The following CERS3 variants were observed in gnomAD, a reference collection of about 807,000 sequenced individuals.
CERS3 encodes the protein LAG1 homolog, ceramide synthase 3.
A neutral mutation model predicts 50.3 loss-of-function variants in CERS3; 33 were observed. The ratio of observed to expected loss-of-function variants is 0.66; its 90% CI spans 0.50 to 0.88. CERS3 has a LOEUF of 0.88. CERS3 is among the 40% of genes least tolerant of loss of function. The pLI is 0.00. For missense variants in CERS3, 470 were observed against 460.3 expected (o/e 1.02, Z -0.19); for synonymous variants, 176 against 155.2 (o/e 1.13, Z -0.99).
At chr15:100,457,015 T>A (rs2034396566) in intron 10 of CERS3, among the ~76,000 whole-genome samples, 1 of 151,998 alleles carries the variant, frequency 6.6e-6, no homozygotes, top group Non-Finnish European at 1.5e-5. Flanking sequence ...TATATAGCAC[T>A]ATGAATTTAG....
chr15:100,538,366 C>T (rs1471126185), intron 1 of CERS3, among the ~76,000 whole-genome samples: 3 of 152,250 alleles, frequency 2.0e-5, no homozygotes, highest in African/African-American at 7.2e-5. Flanking sequence ...CTCTTCTGCA[C>T]TGCCCTAGCA....
chr15:100,491,008 A>T, intron 3 of CERS3, 77 bp from the exon 4 acceptor site: 1 of 857,626 alleles, frequency 1.2e-6, no homozygotes, highest in Non-Finnish European at 1.9e-6. Context: ...TAAAGCTGTA[A>T]CTTCAGGTTT....
intron 1 of CERS3, among the ~76,000 whole-genome samples, chr15:100,538,462 G>C (rs2037123895): frequency 3.3e-5 from 5 of 152,246 alleles, no homozygotes; most frequent in Admixed American, 3.3e-4. Flanking sequence ...AATCTAGGCA[G>C]AGGTTCCCAA....
At chr15:100,509,609 G>A (rs547600310) in intron 2 of CERS3, among the ~76,000 whole-genome samples, 5 of 152,280 alleles carry the variant, frequency 3.3e-5, no homozygotes, top group South Asian at 2.1e-4. Context: ...TCACATTCGC[G>A]ATCTCTGAAC....
intron 3 of CERS3, chr15:100,500,173 G>C (rs1440147743): frequency 6.6e-6 from 1 of 152,040 alleles, no homozygotes; most frequent in Non-Finnish European, 1.5e-5. Flanking sequence ...TCCTTCTATG[G>C]CATTAAAAGA....
chr15:100,419,410 A>G (rs1229046592), intron 11 of CERS3, among the ~76,000 whole-genome samples: 2 of 131,058 alleles, frequency 1.5e-5, no homozygotes, highest in Non-Finnish European at 3.2e-5. Flanking sequence ...CACCCAATAC[A>G]GGAGCACCCA....
In CERS3 at chr15:100,402,387, C is replaced by T. The variant is rs941885170; in HGVS notation, c.*326G>A. The stretch of plus-strand genomic sequence containing the variant: ...AGCGTCCTGAGGACAGGCAAGGTGG[C>T]GAGGCGAAAGGGTCTATAACAAAGC... On this transcript the variant is annotated 3_prime_UTR_variant, in exon 12 of 12. Transcript: ENST00000679737. 13 of 227,828 alleles carry T rather than the reference C, an allele frequency of 5.7e-5. No individual in the cohort carries two copies. Among genetic ancestry groups the T allele is most frequent in the Middle Eastern group, 1.4e-3 (1 of 710 alleles). The allele number at this position is 227,828 out of a possible 1,614,324, so 14.1% of individuals were successfully genotyped here.
intron 3 of CERS3, among the ~76,000 whole-genome samples, chr15:100,491,266 G>GA (rs1248852392): frequency 6.6e-6 from 1 of 152,078 alleles, no homozygotes; most frequent in Non-Finnish European, 1.5e-5. Flanking sequence ...AATTTTGTTA[G>GA]AAAATGTTTT....
chr15:100,540,945 G>T (rs186044013), intron 1 of CERS3, among the ~76,000 whole-genome samples: 7 of 152,236 alleles, frequency 4.6e-5, no homozygotes, highest in African/African-American at 1.7e-4. Flanking sequence ...GTGTTTTCAT[G>T]TATTCAACAA....
At chr15:100,468,593 C>A (rs1485772961) in intron 10 of CERS3, among the ~76,000 whole-genome samples, 1 of 152,134 alleles carries the variant, frequency 6.6e-6, no homozygotes, top group Non-Finnish European at 1.5e-5. Flanking sequence ...AGCACTAAGT[C>A]TTCTGTTTGG....
chr15:100,486,905 C>T (rs984688701), intron 4 of CERS3, among the ~76,000 whole-genome samples: 1 of 152,200 alleles, frequency 6.6e-6, no homozygotes, highest in Non-Finnish European at 1.5e-5. Flanking sequence ...TCTCCCATGA[C>T]TTCTGCAAAT....
intron 2 of CERS3, among the ~76,000 whole-genome samples, chr15:100,502,082 T>A (rs2036021706): frequency 6.6e-6 from 1 of 151,452 alleles, no homozygotes. Flanking sequence ...CCATCTCTAC[T>A]AAAAATACAA....
At chr15:100,486,900 C>T (rs1322525246) in intron 4 of CERS3, among the ~76,000 whole-genome samples, 1 of 152,172 alleles carries the variant, frequency 6.6e-6, no homozygotes, top group African/African-American at 2.4e-5. Context: ...TTTATTCTCC[C>T]ATGACTTCTG....
chr15:100,488,765 G>A (rs1404930940), intron 4 of CERS3, among the ~76,000 whole-genome samples: 1 of 145,542 alleles, frequency 6.9e-6, no homozygotes, highest in South Asian at 2.2e-4. Flanking sequence ...CTAACACTTC[G>A]GGGGTGATAT....
chr15:100,480,317 A>G (rs2035259316), intron 5 of CERS3, among the ~76,000 whole-genome samples: 1 of 152,244 alleles, frequency 6.6e-6, no homozygotes, highest in Non-Finnish European at 1.5e-5. Context: ...TAACAGGTCT[A>G]GCATAAAGTA....
chr15:100,424,508 T>C (rs1188875785), intron 11 of CERS3, among the ~76,000 whole-genome samples: 1 of 152,186 alleles, frequency 6.6e-6, no homozygotes, highest in African/African-American at 2.4e-5. Flanking sequence ...CAGATGGAGA[T>C]GAAGAACTTT....
rs76328734 is a variant in CERS3 at position 100,457,600 on chromosome 15, T to G, written c.846-1554A>C. On this transcript the variant is annotated intron_variant, in intron 10 of 11. Transcript: ENST00000679737. ...GAGCATTTGGGTTGTTTCCAGCTTT[T>G]GACATTTATGAATAGAACTGCTATA... Among the ~76,000 whole-genome samples the G allele has an allele frequency of 1.1e-3, 168 of 152,366 alleles. 3 individuals are homozygous for G. The East Asian group carries it at 0.029, about 26-fold the overall frequency.
chr15:100,460,473 C>T (rs2034512777), intron 10 of CERS3, among the ~76,000 whole-genome samples: 1 of 152,176 alleles, frequency 6.6e-6, no homozygotes, highest in African/African-American at 2.4e-5. Flanking sequence ...TAAAAACCTA[C>T]TTGCCATTCT....
intron 11 of CERS3, among the ~76,000 whole-genome samples, chr15:100,404,498 T>C (rs149312234): frequency 4.8e-4 from 73 of 152,348 alleles, no homozygotes; most frequent in African/African-American, 1.7e-3. Context: ...TGGAGAGACA[T>C]ACTATGTTCA....
Sources: gnomAD v4.1 joint callset for allele counts (sites outside exome capture counted in the v4.1 genomes callset) on GRCh38, gnomAD v4.1.1 for gene constraint, MANE v1.5 for transcripts, NCBI Gene and HGNC (gene_info 2026-07-23, HGNC 2026-07-21) for gene names.